The following TARS3 variants were observed in gnomAD, a reference collection of about 807,000 sequenced individuals.
TARS3 encodes threonyl-tRNA synthetase 3.
Under a neutral mutation model 103.5 loss-of-function variants are expected in TARS3, and 94 were observed. The observed-to-expected ratio is 0.91, with a 90% CI of 0.77 to 1.08. The LOEUF is 1.08. TARS3 is among the 50% of genes least tolerant of loss of function. The pLI is 0.00. For synonymous variants in TARS3, 416 were observed against 355.4 expected (o/e 1.17, Z -1.92); for missense variants, 952 against 995.2 (o/e 0.96, Z 0.58).
chr15:101,721,105 C>CT (rs982983428), intron 3 of TARS3, 21 bp downstream of exon 3: 8 of 1,575,056 alleles, frequency 5.1e-6, no homozygotes, highest in African/African-American at 1.4e-5. Context: ...GATTGAATAT[C>CT]TTTTCCACAC....
intron 11 of TARS3, among the ~76,000 whole-genome samples, chr15:101,685,385 G>T (rs1898425089): frequency 6.6e-6 from 1 of 152,058 alleles, no homozygotes; most frequent in African/African-American, 2.4e-5. Flanking sequence ...TACAAAGAAA[G>T]AAAATAACCT....
At chr15:101,687,711 C>T (rs1388651676) in intron 10 of TARS3, among the ~76,000 whole-genome samples, 1 of 152,082 alleles carries the variant, frequency 6.6e-6, no homozygotes, top group Non-Finnish European at 1.5e-5. Context: ...ATGTGTCTCC[C>T]CCAAAATTGT....
chr15:101,714,475 T>C (rs1204324845), intron 4 of TARS3, among the ~76,000 whole-genome samples: 2 of 151,574 alleles, frequency 1.3e-5, no homozygotes, highest in South Asian at 2.1e-4. Context: ...TGTGGTGGTG[T>C]GCACCTGTAG....
At chr15:101,723,794 T>C (rs1471305638) in intron 1 of TARS3, among the ~76,000 whole-genome samples, 3 of 152,254 alleles carry the variant, frequency 2.0e-5, no homozygotes, top group African/African-American at 7.2e-5. Flanking sequence ...CTCCAGCATT[T>C]TTTCAAACAA....
At chr15:101,697,044 A>G (rs1899016312) in intron 10 of TARS3, among the ~76,000 whole-genome samples, 1 of 152,164 alleles carries the variant, frequency 6.6e-6, no homozygotes, top group Non-Finnish European at 1.5e-5. Flanking sequence ...CCCCTTTGTG[A>G]ATATTCATAG....
chr15:101,721,144 T>C lies in TARS3; in HGVS notation c.548A>G (p.Gln183Arg). 6.3e-7 allele frequency: 1 copy of C among 1,596,316 alleles called. No individual in the cohort carries two copies. The highest frequency in any genetic ancestry group is 8.6e-7 in the Non-Finnish European group (1 of 1,165,178). The change falls in exon 3 of 19, where the codon CAA becomes CGA. Residue 183 changes from glutamine (Q) to arginine (R), a missense_variant. This residue lies in a region of TARS3 where 412 missense variants were observed against 364.2 expected (regional missense o/e 1.13). Transcript: ENST00000335968. ...GGTTTACCTAATTTCAGCAGCCACT[T>C]GGTAAGGCGTTGTTTTCCAGACTTC... ...QGEVWKTTPYQVAAEISQELA... is the reference protein window; with the variant it reads ...QGEVWKTTPYRVAAEISQELA...
At position 101,675,725 on chromosome 15, in the gene TARS3, TTTC is replaced by T. The variant is rs760104896; in HGVS notation, c.1660_1662del (p.Glu554del). ...TGCAAAAACTGCAAACACCCCTTTA[TTTC>T]TTCTTCAATCTGAAATCAAAGCAAA... On this transcript the variant is annotated inframe_deletion, in exon 13 of 19. Coordinates refer to ENST00000335968, the MANE Select transcript of TARS3 (RefSeq NM_152334.3). 5.0e-6 allele frequency: 8 copies of T among 1,608,484 alleles called. No homozygotes were observed. The African/African-American group carries it at 8.0e-5, about 16-fold the overall frequency.
chr15:101,681,282 G>A (rs761236648), intron 12 of TARS3, among the ~76,000 whole-genome samples: 4 of 152,116 alleles, frequency 2.6e-5, no homozygotes, highest in Non-Finnish European at 4.4e-5. Context: ...ACGAATTTTA[G>A]AATCAGCATG....
chr15:101,671,433 G>A, intron 15 of TARS3, 53 bp downstream of exon 15: 3 of 1,372,608 alleles, frequency 2.2e-6, no homozygotes, highest in East Asian at 4.7e-5. Context: ...ATACTCAAAT[G>A]ACAAAAAATT....
In TARS3 at chr15:101,654,615, C is replaced by G. The variant is rs973007507; in HGVS notation, c.2376G>C (p.Lys792Asn). ...CCTCCTCAGCATTGAGTGTCCGTGTCTTCCTGAGATTCTTCAGTTTATCAA... is the reference window on the plus strand; with the variant it reads ...CCTCCTCAGCATTGAGTGTCCGTGTGTTCCTGAGATTCTTCAGTTTATCAA... Reference protein sequence around the residue: ...SAIDKLKNLRKTRTLNAEEAF With the variant: ...SAIDKLKNLRNTRTLNAEEAF The change falls in exon 19 of 19, where the codon AAG (lysine) becomes AAC (asparagine). Residue 792 changes from lysine (K) to asparagine (N), a missense_variant. Coordinates refer to ENST00000335968, the MANE Select transcript of TARS3 (RefSeq NM_152334.3). 1 of 1,614,138 alleles carries G rather than the reference C, an allele frequency of 6.2e-7. No individual in the cohort carries two copies. Among genetic ancestry groups the G allele is most frequent in the Non-Finnish European group, 8.5e-7 (1 of 1,180,020 alleles).
intron 13 of TARS3, among the ~76,000 whole-genome samples, chr15:101,674,250 A>G (rs1213981729): frequency 6.6e-6 from 1 of 152,190 alleles, no homozygotes; most frequent in Admixed American, 6.5e-5. Flanking sequence ...TATTTTCCTG[A>G]ACCATGGCCT....
intron 7 of TARS3, 34 bp downstream of exon 7, chr15:101,705,649 C>T (rs1203757490): frequency 6.3e-7 from 1 of 1,588,346 alleles, no homozygotes; most frequent in Non-Finnish European, 8.6e-7. Context: ...TCAAGTTTAC[C>T]ACTGAGCAGC....
At chr15:101,702,903 G>C (rs981229586) in intron 8 of TARS3, among the ~76,000 whole-genome samples, 1 of 152,168 alleles carries the variant, frequency 6.6e-6, no homozygotes, top group African/African-American at 2.4e-5. Context: ...AAATTATGTA[G>C]AGTCTGCTAT....
chr15:101,659,070 C>T (rs956978909), intron 16 of TARS3, among the ~76,000 whole-genome samples: 4 of 152,200 alleles, frequency 2.6e-5, no homozygotes, highest in Admixed American at 1.3e-4. Context: ...GGATTACAGG[C>T]GTGAGCCACC....
At chr15:101,686,201 TGTG>T (rs1289921563) in intron 10 of TARS3, 139 bp from the exon 11 acceptor site, 3 of 700,602 alleles carry the variant, frequency 4.3e-6, no homozygotes, top group African/African-American at 1.8e-5. Context: ...CAGTTTTAGG[TGTG>T]GTGGTTTCTG....
At position 101,684,020 on chromosome 15, in the gene TARS3, C is replaced by G; in HGVS notation, c.1650+55G>C. On this transcript the variant is annotated intron_variant, in intron 12 of 18. Transcript: ENST00000335968. ...ACTCTGAAAGAATACAAGATGTGTG[C>G]GGGGCATCACACTCAATTTGTGACC... 2.0e-6 allele frequency: 3 copies of G among 1,529,082 alleles called. No individual in the cohort carries two copies. The South Asian group carries it at 3.7e-5, about 19-fold the overall frequency. The allele number at this position is 1,529,082 out of a possible 1,614,324, so 94.7% of individuals were successfully genotyped here.
In TARS3 at chr15:101,711,984, A is replaced by G. The variant is rs916432115; in HGVS notation, c.708T>C (p.Ser236=). The part of the protein sequence containing the change: ...EEAQAVYWHS[S]AHILGEAMEL... ...CCATGGCCTCCCCAAGAATGTGAGC[A>G]CTGGAGTGCCAGTACACCTGCATGG... is the stretch of plus-strand genomic sequence containing the variant. The change falls in exon 5 of 19, where the codon AGT becomes AGC. Residue 236 remains serine (S), a synonymous_variant. Coordinates refer to ENST00000335968, the MANE Select transcript of TARS3 (RefSeq NM_152334.3). The G allele has an allele frequency of 1.2e-6, 2 of 1,613,668 alleles. No individual in the cohort carries two copies. Among genetic ancestry groups the G allele is most frequent in the Admixed American group, 1.7e-5 (1 of 59,982 alleles).
At chr15:101,684,922 C>T (rs1440361700) in intron 11 of TARS3, among the ~76,000 whole-genome samples, 3 of 152,118 alleles carry the variant, frequency 2.0e-5, no homozygotes, top group Admixed American at 6.5e-5. Context: ...TTAAAGGATG[C>T]CTTTGAGAAG....
intron 7 of TARS3, 48 bp from the exon 8 acceptor site, chr15:101,703,985 G>C (rs374602551): frequency 1.3e-4 from 181 of 1,355,740 alleles, no homozygotes; most frequent in Middle Eastern, 1.1e-3. Flanking sequence ...ACAGTGTTCT[G>C]GACTATTCAT....
Sources: allele counts gnomAD v4.1 joint callset (sites outside exome capture counted in the v4.1 genomes callset), GRCh38; gene constraint gnomAD v4.1.1; regional missense constraint gnomAD v4.1.1; transcripts MANE v1.5; gene names NCBI Gene and HGNC (gene_info 2026-07-23, HGNC 2026-07-21).